CNKSR1: variants seen among roughly 807,000 people sequenced by gnomAD.
CNKSR1 encodes connector enhancer of kinase suppressor of Ras 1, also known as CNK homolog protein 1.
CNKSR1 carries 88 observed loss-of-function variants against 95.6 expected under a neutral mutation model. The observed-to-expected ratio is 0.92, with a 90% CI of 0.78 to 1.10. The LOEUF (loss-of-function observed/expected upper bound fraction) is 1.10, where lower values mean the gene tolerates loss of function less well. CNKSR1 is among the 50% of genes least tolerant of loss of function. CNKSR1 has a pLI of 0.00. For missense variants in CNKSR1, 836 were observed against 912.0 expected (o/e 0.92, Z 1.07); for synonymous variants, 355 against 369.7 (o/e 0.96, Z 0.46).
At chr1:26,180,934 A>G in intron 3 of CNKSR1, 38 bp downstream of exon 3, 1 of 1,612,582 alleles carries the variant, frequency 6.2e-7, no homozygotes, top group Non-Finnish European at 8.5e-7. Flanking sequence ...GACTATTGTC[A>G]TCCTTGGCCT....
chr1:26,183,988 T>C (rs564948642), intron 9 of CNKSR1, 83 bp from the exon 10 acceptor site: 8 of 670,620 alleles, frequency 1.2e-5, no homozygotes, highest in South Asian at 1.0e-4. Context: ...AGGTACCTGC[T>C]CCTGCTGCTC....
At position 26,184,077 on chromosome 1, in the gene CNKSR1, C is replaced by T. The variant is rs1317778707; in HGVS notation, c.862C>T (p.Pro288Ser). 2.5e-6 allele frequency: 4 copies of T among 1,611,338 alleles called. No individual in the cohort carries two copies. The highest frequency in any genetic ancestry group is 2.2e-5 in the East Asian group (1 of 44,750). ...GTTCCTGGTTGTTCCCCAGACGCCC[C>T]CTCAGGTCCTGGACTCCCCGCACCA... ...PIPETPPQTP[P>S]QVLDSPHQRS... Residue 288 changes from proline to serine, a missense_variant, in exon 10 of 21, where the codon CCT becomes TCT. Pro to Ser is a moderately conservative substitution (Grantham distance 74, BLOSUM62 -1). Transcript: ENST00000361530.
chr1:26,189,577 T>A lies in CNKSR1; in HGVS notation c.*29T>A. 8.6e-7 allele frequency: 1 copy of A among 1,167,572 alleles called. No homozygotes were observed. The allele number at this position is 1,167,572 out of a possible 1,614,324, so 72.3% of individuals were successfully genotyped here. A position where few individuals can be genotyped will look rare whatever the true frequency, so the allele number is the denominator to read the frequency against. On this transcript the variant is annotated 3_prime_UTR_variant, in exon 21 of 21. Transcript: ENST00000361530. ...TGGCCAGCACTCTAGCTCCTGACCTTTGACCCGAGGGCCACCTCAACCCCA... is the reference window on the plus strand; with the variant it reads ...TGGCCAGCACTCTAGCTCCTGACCTATGACCCGAGGGCCACCTCAACCCCA...
In CNKSR1 at chr1:26,181,476, A is replaced by G. The variant is rs534032146; in HGVS notation, c.393-381A>G. The G allele has an allele frequency of 3.1e-5, 8 of 260,432 alleles. 1 individual carries two copies. In the South Asian group the frequency reaches 3.2e-4, roughly 11 times the overall value. The allele number at this position is 260,432 out of a possible 1,614,324, so 16.1% of individuals were successfully genotyped here. A position where few individuals can be genotyped will look rare whatever the true frequency, so the allele number is the denominator to read the frequency against. ...CTGCTTGTCCTACAGACCCCACCTC[A>G]AATGTCATCTCGGGGAAGCCTTCCC... On this transcript the variant is annotated intron_variant, in intron 3 of 20. Transcript: ENST00000361530.
At chr1:26,189,201 T>C in intron 20 of CNKSR1, 78 bp from the exon 21 acceptor site, 1 of 1,565,094 alleles carries the variant, frequency 6.4e-7, no homozygotes, top group Non-Finnish European at 8.8e-7. Flanking sequence ...GCACCGGACC[T>C]CCGGAGTGAA....
At position 26,184,265 on chromosome 1, in the gene CNKSR1, C is replaced by A; in HGVS notation, c.978C>A (p.Pro326=). The A allele has an allele frequency of 6.2e-7, 1 of 1,613,794 alleles. No individual in the cohort carries two copies. The highest frequency in any genetic ancestry group is 8.5e-7 in the Non-Finnish European group (1 of 1,179,966). Residue 326 remains proline, a synonymous_variant, in exon 11 of 21, where the codon CCC becomes CCA. Transcript: ENST00000361530. ...FAFDLSSNPS[P]GPSPAWTDSA... is the part of the protein sequence containing the mutation. ...TTGACCTGTCTTCAAACCCCAGTCC[C>A]GGACCCAGCCCTGCCTGGACAGGTA...
In CNKSR1 at chr1:26,185,166, T is replaced by C. The variant is rs1174603706; in HGVS notation, c.1288T>C (p.Tyr430His). ...RWFVLKGHTL[Y>H]WYRQPQDEKA... ...GTTTGTGCTCAAGGGACACACGCTC[T>C]ACTGGTACCGCCAGCCCCAGGTAAG... is the stretch of plus-strand genomic sequence containing the variant. Residue 430 changes from tyrosine to histidine, a missense_variant, in exon 14 of 21, where the codon TAC becomes CAC. Coordinates refer to ENST00000361530, the MANE Select transcript of CNKSR1 (RefSeq NM_006314.3). The C allele has an allele frequency of 6.4e-7, 1 of 1,559,538 alleles. No homozygotes were observed. The highest frequency in any genetic ancestry group is 8.7e-7 in the Non-Finnish European group (1 of 1,151,876).
chr1:26,183,602 G>A (rs936471557), intron 8 of CNKSR1, 127 bp from the exon 9 acceptor site: 24 of 1,008,680 alleles, frequency 2.4e-5, no homozygotes, highest in Non-Finnish European at 3.5e-5. Flanking sequence ...GAAGCCCCCA[G>A]GAGGCTGCAT....
chr1:26,177,970 G>GA (rs143042672), intron 1 of CNKSR1, among the ~76,000 whole-genome samples: 26,904 of 146,810 alleles, frequency 0.18, 2,811 homozygotes, highest in Non-Finnish European at 0.26. Flanking sequence ...CAGCTCAAAA[G>GA]AAAAAAAAAA....
chr1:26,183,127 C>A, intron 6 of CNKSR1, 70 bp from the exon 7 acceptor site: 1 of 1,456,372 alleles, frequency 6.9e-7, no homozygotes, highest in South Asian at 1.1e-5. Flanking sequence ...GTCCTGGTGT[C>A]TGGCGGGGGT....
Position 26,187,198 on chromosome 1 carries a change from T to A in CNKSR1, c.1339T>A (p.Ser447Thr), listed in dbSNP as rs1211748163. ...GAAGGCTGAGGGCCTCATCAATGTC[T>A]CCAACTATAGTCTGGAAAGTGGACA... ...DEKAEGLINV[S>T]NYSLESGHDQ... Residue 447 changes from serine (S) to threonine (T), a missense_variant, in exon 15 of 21, where the codon TCC becomes ACC. Ser to Thr is a moderately conservative substitution (Grantham distance 58). Coordinates refer to ENST00000361530, the MANE Select transcript of CNKSR1 (RefSeq NM_006314.3). 6.2e-7 allele frequency: 1 copy of A among 1,614,078 alleles called. No individual in the cohort carries two copies. The highest frequency in any genetic ancestry group is 2.2e-5 in the East Asian group (1 of 44,866).
At position 26,183,718 on chromosome 1, in the gene CNKSR1, C is replaced by T. The variant is rs776430913; in HGVS notation, c.754-11C>T. ...CCCAGGTTGATACCAGCCAGTGTTT[C>T]TGTCCCCCAGGTGGGATGGCCCCGT... On this transcript the variant is annotated splice_polypyrimidine_tract_variant and intron_variant, in intron 8 of 20. Transcript: ENST00000361530. The T allele has an allele frequency of 6.3e-7, 1 of 1,597,154 alleles. No homozygotes were observed. The highest frequency in any genetic ancestry group is 1.1e-5 in the South Asian group (1 of 90,778).
chr1:26,187,789 A>AT (rs1448713026), intron 16 of CNKSR1, among the ~76,000 whole-genome samples: 3 of 151,074 alleles, frequency 2.0e-5, no homozygotes, highest in African/African-American at 7.3e-5. Context: ...TACCCGGCTA[A>AT]TTTTTGTATT....
rs12409430 is a variant in CNKSR1, at chr1:26,188,293, C to A, written c.1514C>A (p.Pro505Gln). The A allele has an allele frequency of 1.3e-4, 213 of 1,614,008 alleles. No homozygotes were observed. The highest frequency in any genetic ancestry group is 3.2e-4 in the African/African-American group (24 of 74,896). Reference protein sequence around the residue: ...SKYQSPGRAPPPREEDCYSET... With the variant: ...SKYQSPGRAPQPREEDCYSET... ...TACCAGTCTCCAGGCCGGGCCCCCC[C>A]ACCCCGAGAGGAAGGTAGGTGTCTC... The change falls in exon 17 of 21, where the codon CCA becomes CAA. Residue 505 changes from proline (P) to glutamine (Q), a missense_variant. By Grantham distance (76) the Pro-to-Gln change is moderately conservative. Transcript: ENST00000361530.
chr1:26,189,528 C>T lies in CNKSR1; in HGVS notation c.2122C>T (p.Leu708Phe). 1 of 1,549,102 alleles carries T rather than the reference C, an allele frequency of 6.5e-7. No homozygotes were observed. The highest frequency in any genetic ancestry group is 8.9e-7 in the Non-Finnish European group (1 of 1,120,672). The part of the protein sequence containing the change: ...HLCPLTSESS[L>F]RPPDL ...CTGCCCCCTGACCTCAGAGAGCAGC[C>T]TCCGACCTCCTGACCTCTGACCCTG... Residue 708 changes from leucine (L) to phenylalanine (F), a missense_variant, in exon 21 of 21, where the codon CTC (leucine) becomes TTC (phenylalanine). Transcript: ENST00000361530.
chr1:26,184,608 A>G lies in CNKSR1; in HGVS notation c.1131A>G (p.Ser377=). 1 of 1,603,642 alleles carries G rather than the reference A, an allele frequency of 6.2e-7. No homozygotes were observed. Among genetic ancestry groups the G allele is most frequent in the African/African-American group, 1.3e-5 (1 of 74,966 alleles). Residue 377 remains serine (S), a synonymous_variant, in exon 13 of 21, where the codon TCA becomes TCG. Coordinates refer to ENST00000361530, the MANE Select transcript of CNKSR1 (RefSeq NM_006314.3). ...PDKSPVGRKK[S]KGLATRLSRR... is the part of the protein sequence containing the mutation. ...AGAGTCCTGTTGGTCGGAAGAAATC[A>G]AAAGGTATGAGGTGCGCTGGACTAG...
At chr1:26,182,042 T>C in intron 4 of CNKSR1, 101 bp downstream of exon 4, 1 of 1,165,022 alleles carries the variant, frequency 8.6e-7, no homozygotes, top group South Asian at 1.2e-5. Flanking sequence ...GTATGAGGAT[T>C]GAGACGGGCG....
In CNKSR1 at chr1:26,182,557, C is replaced by T. The variant is rs2088665701; in HGVS notation, c.597C>T (p.Leu199=). The T allele has an allele frequency of 5.0e-6, 8 of 1,613,216 alleles. No individual in the cohort carries two copies. Among genetic ancestry groups the T allele is most frequent in the Middle Eastern group, 1.8e-4 (1 of 5,452 alleles). ...AGCTGCTGGAACAGAAGGCCGTGCT[C>T]GAGCAGGTGCAGCTGGACAGTCCAT... ...PKELLEQKAV[L]EQVQLDSPLG... is the part of the protein sequence containing the mutation. Residue 199 remains leucine, a synonymous_variant, in exon 6 of 21, where the codon CTC becomes CTT. Coordinates refer to ENST00000361530, the MANE Select transcript of CNKSR1 (RefSeq NM_006314.3).
At chr1:26,189,077 C>T (rs1023444846) in intron 20 of CNKSR1, 124 bp downstream of exon 20, 9 of 1,328,962 alleles carry the variant, frequency 6.8e-6, no homozygotes, top group Non-Finnish European at 9.6e-6. Context: ...GGACCCTGGG[C>T]TTAGCAGCTG....
Sources: allele counts gnomAD v4.1 joint callset (sites outside exome capture counted in the v4.1 genomes callset), GRCh38; gene constraint gnomAD v4.1.1; transcripts MANE v1.5; gene names NCBI Gene and HGNC (gene_info 2026-07-23, HGNC 2026-07-21).